GINS2: variants seen among roughly 807,000 people sequenced by gnomAD.
GINS2 encodes the protein DNA replication complex GINS protein PSF2.
A neutral mutation model predicts 21.2 loss-of-function variants in GINS2; 23 were observed. That is an observed-to-expected ratio of 1.08 (90% CI 0.78 to 1.53). GINS2 has a LOEUF of 1.53. Among genes scored for constraint, GINS2 ranks in the 40% most tolerant of loss-of-function variants. The probability of loss-of-function intolerance (pLI) is 0.00; values close to 1 mark genes in which losing one functional copy is unlikely to be tolerated. For missense variants in GINS2, 323 were observed against 233.9 expected, an observed-to-expected ratio of 1.38 and a Z score of -2.49; for synonymous variants, 118 against 85.6, an observed-to-expected ratio of 1.38 and a Z score of -2.09.
chr16:85,681,753 AAGTGCCTATATTATC>A, intron 2 of GINS2, 72 bp from the exon 3 acceptor site: 1 of 900,538 alleles, frequency 1.1e-6, no homozygotes, highest in East Asian at 2.5e-5. Flanking sequence ...CAAATTTACC[AAGTGCCTATATTATC>A]TGGCAAATAC....
intron 3 of GINS2, among the ~76,000 whole-genome samples, 192 bp downstream of exon 3, chr16:85,681,390 G>A (rs1411054186): frequency 6.6e-6 from 1 of 152,218 alleles, no homozygotes; most frequent in African/African-American, 2.4e-5. Context: ...GACACACAGA[G>A]ACAGACAGAG....
In GINS2 at chr16:85,678,578, C is replaced by A; in HGVS notation, c.394G>T (p.Ala132Ser). ...TCCTGCTGTCTCACAAAGCTGTCAG[C>A]AGACACTCGGAGTTTGGCTATACGA... ...DTRIAKLRVS[A>S]DSFVRQQEAH... Residue 132 changes from alanine to serine, a missense_variant, in exon 4 of 5, where the codon GCT (alanine) becomes TCT (serine). Transcript: ENST00000253462. The A allele has an allele frequency of 1.2e-6, 2 of 1,614,032 alleles. No individual in the cohort carries two copies. The highest frequency in any genetic ancestry group is 1.1e-5 in the South Asian group (1 of 91,082).
At chr16:85,681,493 A>C (rs891509481) in intron 3 of GINS2, 89 bp downstream of exon 3, 3 of 766,764 alleles carry the variant, frequency 3.9e-6, no homozygotes, top group Non-Finnish European at 6.7e-6. Context: ...GGCAATAAGC[A>C]GGGAAGCGGA....
intron 1 of GINS2, among the ~76,000 whole-genome samples, chr16:85,688,402 C>G (rs1598764761): frequency 6.6e-6 from 1 of 151,596 alleles, no homozygotes; most frequent in Non-Finnish European, 1.5e-5. Context: ...AAAAATGCGC[C>G]GGGCGTGGTG....
intron 2 of GINS2, among the ~76,000 whole-genome samples, chr16:85,685,354 G>T (rs1370468762): frequency 6.6e-6 from 1 of 152,074 alleles, no homozygotes; most frequent in Non-Finnish European, 1.5e-5. Context: ...TGCATTAATG[G>T]AGCCAGGCCT....
Position 85,681,631 on chromosome 16 carries a change from G to C in GINS2, c.256C>G (p.Pro86Ala). 6 of 1,612,944 alleles carry C rather than the reference G, an allele frequency of 3.7e-6. No individual in the cohort carries two copies. Among genetic ancestry groups the C allele is most frequent in the African/African-American group, 1.3e-5 (1 of 74,980 alleles). The change falls in exon 3 of 5, where the codon CCA becomes GCA. Residue 86 changes from proline (P) to alanine (A), a missense_variant. Transcript: ENST00000253462. ...DHERKEETFTPMPSPYYMELT... is the reference protein window; with the variant it reads ...DHERKEETFTAMPSPYYMELT... Reference sequence around the variant, plus strand: ...TCCATGTAGTAAGGGCTGGGCATTGGGGTAAAAGTTTCTTCCTTTCGTTCA... The same window carrying C: ...TCCATGTAGTAAGGGCTGGGCATTGCGGTAAAAGTTTCTTCCTTTCGTTCA...
chr16:85,678,227 C>T lies in GINS2; in HGVS notation c.543G>A (p.Gln181=), dbSNP rs777996859. The change falls in exon 5 of 5, where the codon CAG becomes CAA. Residue 181 remains glutamine (Q), a synonymous_variant. Transcript: ENST00000253462. ...AGGCCTTTCTCTAGAAGTCCTGAGA[C>T]TGAGTACTCTCCAGAGGCTGGAGGT... The part of the protein sequence containing the change: ...RTNLQPLEST[Q]SQDF 6.2e-7 allele frequency: 1 copy of T among 1,613,562 alleles called. No homozygotes were observed. The highest frequency in any genetic ancestry group is 8.5e-7 in the Non-Finnish European group (1 of 1,179,896).
At chr16:85,687,372 G>A in intron 2 of GINS2, 88 bp downstream of exon 2, 3 of 664,770 alleles carry the variant, frequency 4.5e-6, no homozygotes, top group Non-Finnish European at 7.7e-6. Context: ...AGTCAGGAAG[G>A]AGGCCCCATG....
At position 85,683,168 on chromosome 16, in the gene GINS2, T is replaced by C. The variant is rs188934455; in HGVS notation, c.206-1487A>G. On this transcript the variant is annotated intron_variant, in intron 2 of 4. Coordinates refer to ENST00000253462, the MANE Select transcript of GINS2 (RefSeq NM_016095.3). ...ATCCTCCCAAACACACTAATAGATA[T>C]AGCCTTAAAAAGAAGGCCCTCCGTG... Among the ~76,000 whole-genome samples the C allele has an allele frequency of 2.7e-3, 414 of 152,106 alleles. 2 individuals are homozygous for C. Among genetic ancestry groups the C allele is most frequent in the African/African-American group, 9.5e-3 (393 of 41,496 alleles).
rs1023340102 is a variant in GINS2, at chr16:85,681,483, G to A, written c.305+99C>T. On this transcript the variant is annotated intron_variant, in intron 3 of 4. Transcript: ENST00000253462. Reference sequence around the variant, plus strand: ...GGCGGCCAGTGTTGCCACTTACTGAGGCAATAAGCAGGGAAGCGGAGAGGA... The same window carrying A: ...GGCGGCCAGTGTTGCCACTTACTGAAGCAATAAGCAGGGAAGCGGAGAGGA... 2.2e-5 allele frequency: 16 copies of A among 723,604 alleles called. No individual in the cohort carries two copies. In the African/African-American group the frequency reaches 2.3e-4, roughly 10 times the overall value. 44.8% of individuals were successfully genotyped at this position (723,604 alleles called of 1,614,324 possible).
intron 2 of GINS2, among the ~76,000 whole-genome samples, chr16:85,686,144 T>C (rs1426311352): frequency 6.6e-6 from 1 of 152,226 alleles, no homozygotes; most frequent in Admixed American, 6.5e-5. Flanking sequence ...ATAATTAATA[T>C]ATCATACAAT....
intron 1 of GINS2, among the ~76,000 whole-genome samples, chr16:85,688,418 C>T (rs954371924): frequency 6.7e-6 from 1 of 150,350 alleles, no homozygotes; most frequent in Admixed American, 6.6e-5. Flanking sequence ...TGGTGGCGGG[C>T]ACCTGTAACA....
At chr16:85,685,670 C>CAAA (rs752631926) in intron 2 of GINS2, among the ~76,000 whole-genome samples, 2,356 of 55,240 alleles carry the variant, frequency 0.043, 203 homozygotes, top group African/African-American at 0.13. Context: ...GACCCTTTCT[C>CAAA]AAAAAAAAAA....
In GINS2 at chr16:85,676,318, A is replaced by G. The variant is rs553932120; in HGVS notation, c.*1894T>C. On this transcript the variant is annotated 3_prime_UTR_variant, in exon 5 of 5. Transcript: ENST00000253462. ...CTGGCTCAGGCTCTAAGAGGAGGGC[A>G]TTAGGACCCCTTGCCCTCCACAATA... is the stretch of plus-strand genomic sequence containing the variant. 6.6e-6 allele frequency: 1 copy of G among 152,380 alleles called. No individual in the cohort carries two copies. The highest frequency in any genetic ancestry group is 2.4e-5 in the African/African-American group (1 of 41,582). The allele number at this position is 152,380 out of a possible 1,614,324, so 9.4% of individuals were successfully genotyped here.
At chr16:85,681,201 G>A (rs1382385160) in intron 3 of GINS2, among the ~76,000 whole-genome samples, 2 of 152,234 alleles carry the variant, frequency 1.3e-5, no homozygotes, top group Non-Finnish European at 2.9e-5. Context: ...GTAAAGCTGT[G>A]CTAAATAAAA....
chr16:85,684,095 T>G (rs1260735258), intron 2 of GINS2, among the ~76,000 whole-genome samples: 28 of 152,198 alleles, frequency 1.8e-4, no homozygotes, highest in Admixed American at 1.8e-3. Context: ...GGCTCACACT[T>G]GTAATCCCAG....
intron 2 of GINS2, among the ~76,000 whole-genome samples, chr16:85,686,661 A>C (rs958940460): frequency 1.3e-5 from 2 of 152,210 alleles, no homozygotes; most frequent in Non-Finnish European, 1.5e-5. Context: ...AGTTGATAGA[A>C]ATGGAATGAT....
intron 2 of GINS2, among the ~76,000 whole-genome samples, chr16:85,685,691 A>C (rs1291943484): frequency 1.3e-5 from 2 of 148,206 alleles, no homozygotes; most frequent in South Asian, 2.2e-4. Context: ...AAAAAAAAAA[A>C]CCGTCTCAAA....
intron 2 of GINS2, among the ~76,000 whole-genome samples, chr16:85,685,678 A>AAAAAAAAAAC (rs1598762517): frequency 6.9e-6 from 1 of 143,896 alleles, no homozygotes; most frequent in African/African-American, 2.8e-5. Context: ...CTCAAAAAAA[A>AAAAAAAAAAC]AAAAAAAAAA....
Sources: allele counts gnomAD v4.1 joint callset (sites outside exome capture counted in the v4.1 genomes callset), GRCh38; gene constraint gnomAD v4.1.1; transcripts MANE v1.5; gene names NCBI Gene and HGNC (gene_info 2026-07-23, HGNC 2026-07-21).